The following LHFPL6 variants were observed in gnomAD, a reference collection of about 807,000 sequenced individuals.
The protein encoded by LHFPL6 is LHFPL tetraspan subfamily member 6 protein.
In LHFPL6, 9 loss-of-function variants were observed where a neutral mutation model predicts 20.6. The observed-to-expected ratio is 0.44, with a 90% CI of 0.26 to 0.76. The LOEUF (loss-of-function observed/expected upper bound fraction) is 0.76. LHFPL6 is among the 30% of genes least tolerant of loss of function. LHFPL6 has a pLI of 0.20. For synonymous variants in LHFPL6, 105 were observed against 98.7 expected (o/e 1.06, Z -0.38); for missense variants, 218 against 253.5 (o/e 0.86, Z 0.95).
At chr13:39,585,248 A>G (rs1872412852) in intron 2 of LHFPL6, among the ~76,000 whole-genome samples, 1 of 152,260 alleles carries the variant, frequency 6.6e-6, no homozygotes, top group Admixed American at 6.5e-5. Flanking sequence ...CTTGCTAAGG[A>G]GCACAATATC....
chr13:39,553,468 T>C (rs1566139646), intron 2 of LHFPL6, among the ~76,000 whole-genome samples: 1 of 152,010 alleles, frequency 6.6e-6, no homozygotes, highest in Non-Finnish European at 1.5e-5. Context: ...TCACAATACT[T>C]GGGGAGGCGA....
chr13:39,362,314 C>T (rs559438440), intron 3 of LHFPL6, among the ~76,000 whole-genome samples: 7 of 152,276 alleles, frequency 4.6e-5, no homozygotes, highest in East Asian at 1.9e-4. Context: ...CTAGGTAAGA[C>T]GTGCCTGGTT....
At chr13:39,484,504 T>C (rs1023060915) in intron 2 of LHFPL6, among the ~76,000 whole-genome samples, 3 of 152,180 alleles carry the variant, frequency 2.0e-5, no homozygotes, top group Admixed American at 1.3e-4. Flanking sequence ...CATCCACTGA[T>C]GGAAAATTGA....
At chr13:39,527,928 A>G (rs1465216873) in intron 2 of LHFPL6, among the ~76,000 whole-genome samples, 6 of 152,216 alleles carry the variant, frequency 3.9e-5, no homozygotes. Flanking sequence ...TAAGTTAACT[A>G]TGTTTCTATA....
At chr13:39,561,603 T>C (rs1003040127) in intron 2 of LHFPL6, among the ~76,000 whole-genome samples, 5 of 152,102 alleles carry the variant, frequency 3.3e-5, no homozygotes, top group African/African-American at 9.7e-5. Context: ...GCTGGAATCA[T>C]AGGCACAAGC....
intron 2 of LHFPL6, among the ~76,000 whole-genome samples, chr13:39,471,976 T>C (rs1300820856): frequency 6.6e-6 from 1 of 152,248 alleles, no homozygotes; most frequent in East Asian, 1.9e-4. Flanking sequence ...ATACATGGAA[T>C]GCATTTATTC....
chr13:39,348,318 A>G (rs1398949283), intron 3 of LHFPL6, among the ~76,000 whole-genome samples: 1 of 152,122 alleles, frequency 6.6e-6, no homozygotes, highest in Non-Finnish European at 1.5e-5. Context: ...AGGACCCATG[A>G]GTGACTGGCA....
At chr13:39,536,036 C>G (rs1870607646) in intron 2 of LHFPL6, among the ~76,000 whole-genome samples, 1 of 152,150 alleles carries the variant, frequency 6.6e-6, no homozygotes, top group South Asian at 2.1e-4. Context: ...TAACCTCACC[C>G]CATTCAACTT....
At chr13:39,577,880 A>G (rs747808689) in intron 2 of LHFPL6, among the ~76,000 whole-genome samples, 9 of 151,906 alleles carry the variant, frequency 5.9e-5, no homozygotes, top group Non-Finnish European at 1.3e-4. Flanking sequence ...ACCTCTAGCA[A>G]TCTGCCCACC....
intron 2 of LHFPL6, among the ~76,000 whole-genome samples, chr13:39,572,285 A>ACT (rs149000611): frequency 0.018 from 2,243 of 123,182 alleles, 19 homozygotes; most frequent in African/African-American, 0.032. Flanking sequence ...TATTTTTTAA[A>ACT]CTCTGTGTGT....
intron 3 of LHFPL6, among the ~76,000 whole-genome samples, chr13:39,347,394 C>A (rs1186231785): frequency 6.6e-6 from 1 of 152,190 alleles, no homozygotes; most frequent in Non-Finnish European, 1.5e-5. Context: ...AGAAAGGAAG[C>A]AAACCGGGCA....
intron 2 of LHFPL6, among the ~76,000 whole-genome samples, chr13:39,425,887 C>T (rs1871622779): frequency 6.6e-6 from 1 of 152,020 alleles, no homozygotes; most frequent in African/African-American, 2.4e-5. Flanking sequence ...GTCTCAAACT[C>T]CTGCCCTCAA....
intron 3 of LHFPL6, among the ~76,000 whole-genome samples, chr13:39,371,644 G>C (rs1870170531): frequency 6.6e-6 from 1 of 152,156 alleles, no homozygotes; most frequent in South Asian, 2.1e-4. Flanking sequence ...ACTGATGATA[G>C]GACCACAGAC....
chr13:39,598,369 T>C (rs946273743), intron 2 of LHFPL6, among the ~76,000 whole-genome samples: 5 of 152,092 alleles, frequency 3.3e-5, no homozygotes, highest in Admixed American at 6.5e-5. Context: ...ATATTTCAAG[T>C]TATTTTTTAA....
intron 2 of LHFPL6, among the ~76,000 whole-genome samples, chr13:39,383,628 G>A (rs1870493789): frequency 6.6e-6 from 1 of 152,176 alleles, no homozygotes; most frequent in African/African-American, 2.4e-5. Flanking sequence ...TAGGCCTTAA[G>A]CCTGATGGTG....
intron 2 of LHFPL6, among the ~76,000 whole-genome samples, chr13:39,520,246 A>G (rs1285824488): frequency 6.6e-6 from 1 of 152,204 alleles, no homozygotes; most frequent in Non-Finnish European, 1.5e-5. Context: ...AAACACTGGG[A>G]AAAACAGAAC....
At chr13:39,548,573 T>A (rs574012718) in intron 2 of LHFPL6, among the ~76,000 whole-genome samples, 1 of 152,148 alleles carries the variant, frequency 6.6e-6, no homozygotes, top group Admixed American at 6.5e-5. Flanking sequence ...TAAAAAAAAA[T>A]CATATTACCT....
At chr13:39,574,219 A>C (rs573272775) in intron 2 of LHFPL6, among the ~76,000 whole-genome samples, 2 of 152,334 alleles carry the variant, frequency 1.3e-5, no homozygotes, top group Admixed American at 6.5e-5. Context: ...GCGGTGGCTC[A>C]CGCCTGTAAT....
At chr13:39,484,790 TGAG>T (rs1189420332) in intron 2 of LHFPL6, among the ~76,000 whole-genome samples, 1 of 152,262 alleles carries the variant, frequency 6.6e-6, no homozygotes, top group African/African-American at 2.4e-5. Context: ...GGGGGATGAA[TGAG>T]GAGGAGGTGA....
Sources: gnomAD v4.1 joint callset for allele counts (sites outside exome capture counted in the v4.1 genomes callset) on GRCh38, gnomAD v4.1.1 for gene constraint, MANE v1.5 for transcripts, NCBI Gene and HGNC (gene_info 2026-07-23, HGNC 2026-07-21) for gene names.